Variants in RANBP17 observed in about 807,000 individuals in gnomAD.
RANBP17 encodes the protein RAN binding protein 17.
Under a neutral mutation model 141.2 loss-of-function variants are expected in RANBP17, and 158 were observed. The ratio of observed to expected loss-of-function variants is 1.12; its 90% CI spans 0.98 to 1.28. The LOEUF is 1.28. Ranked by LOEUF, RANBP17 falls within the 50% of genes most tolerant of loss-of-function variation. RANBP17 has a pLI of 0.00. For synonymous variants in RANBP17, 430 were observed against 450.0 expected (o/e 0.96, Z 0.56); for missense variants, 1,438 against 1,290.7 (o/e 1.11, Z -1.75).
chr5:171,140,384 T>C (rs1183598099), intron 14 of RANBP17, among the ~76,000 whole-genome samples: 1 of 152,196 alleles, frequency 6.6e-6, no homozygotes, highest in Non-Finnish European at 1.5e-5. Context: ...TCAAATTCAG[T>C]TCAATGTTTA....
In RANBP17 at chr5:171,295,921, G is replaced by A; in HGVS notation, c.3077G>A (p.Ser1026Asn). 6.2e-7 allele frequency: 1 copy of A among 1,613,762 alleles called. No homozygotes were observed. The highest frequency in any genetic ancestry group is 8.5e-7 in the Non-Finnish European group (1 of 1,179,784). ...FSELRASLIN[S>N]QPLPKQEVLA... The stretch of plus-strand genomic sequence containing the variant: ...GAACTGAGAGCAAGTTTGATAAACA[G>A]CCAGCCCCTCCCCAAGCAGGAGGTC... The change falls in exon 27 of 28, where the codon AGC becomes AAC. Residue 1026 changes from serine (S) to asparagine (N), a missense_variant. Ser to Asn is a conservative substitution (Grantham distance 46). Transcript: ENST00000523189.
At position 170,981,411 on chromosome 5, in the gene RANBP17, C is replaced by A. The variant is rs1389466585; in HGVS notation, c.1710+13034C>A. Among the ~76,000 whole-genome samples, 9 of 152,016 alleles carry A rather than the reference C, an allele frequency of 5.9e-5. No homozygotes were observed. In the East Asian group the frequency reaches 1.7e-3, roughly 29 times the overall value. The stretch of plus-strand genomic sequence containing the variant: ...CCCCACCCAAATCTCATCTTGAATT[C>A]TCGTGTGTTGTGGGAGGGATCTGGT... On this transcript the variant is annotated intron_variant, in intron 14 of 27. Transcript: ENST00000523189.
chr5:171,028,747 C>T (rs1781376449), intron 14 of RANBP17: 5 of 382,882 alleles, frequency 1.3e-5, no homozygotes, highest in South Asian at 1.1e-4. Context: ...TCCTTGCTTG[C>T]ATACAGAGAA....
intron 26 of RANBP17, among the ~76,000 whole-genome samples, chr5:171,294,228 G>C (rs1437851309): frequency 6.6e-6 from 1 of 152,120 alleles, no homozygotes; most frequent in East Asian, 1.9e-4. Context: ...TCACCAGGTG[G>C]GTGGTTTGCT....
rs888856228 is a variant in RANBP17 at position 171,235,045 on chromosome 5, G to A, written c.2423-5883G>A. Among the ~76,000 whole-genome samples the A allele has an allele frequency of 7.2e-5, 11 of 152,158 alleles. 1 individual carries two copies. Among genetic ancestry groups the A allele is most frequent in the Admixed American group, 6.5e-4 (10 of 15,274 alleles). On this transcript the variant is annotated intron_variant, in intron 22 of 27. Coordinates refer to ENST00000523189, the MANE Select transcript of RANBP17 (RefSeq NM_022897.5). ...AGGTAAGAAAGAAGGAACTGGCAAA[G>A]AAGAGTGAGAAGGAGCAAACACTGA...
At chr5:170,963,345 G>A (rs1173486642) in intron 13 of RANBP17, among the ~76,000 whole-genome samples, 1 of 152,082 alleles carries the variant, frequency 6.6e-6, no homozygotes, top group African/African-American at 2.4e-5. Context: ...TATCATAGAG[G>A]TAAATGTAGA....
chr5:170,947,354 A>G (rs1774850103), intron 12 of RANBP17, among the ~76,000 whole-genome samples: 1 of 152,206 alleles, frequency 6.6e-6, no homozygotes, highest in Non-Finnish European at 1.5e-5. Context: ...ACAATAGAGA[A>G]CAAAACAGAC....
intron 14 of RANBP17, among the ~76,000 whole-genome samples, chr5:170,986,499 A>G (rs1778149233): frequency 6.6e-6 from 1 of 151,908 alleles, no homozygotes; most frequent in South Asian, 2.1e-4. Context: ...GGATACCCCA[A>G]TTACCCTGAT....
chr5:171,012,992 C>T (rs1780168567), intron 14 of RANBP17, among the ~76,000 whole-genome samples: 1 of 152,126 alleles, frequency 6.6e-6, no homozygotes, highest in Non-Finnish European at 1.5e-5. Flanking sequence ...AATGAGGAAA[C>T]AGTCACTTTT....
At chr5:171,207,075 C>T (rs1762622337) in intron 20 of RANBP17, 1 of 165,998 alleles carries the variant, frequency 6.0e-6, no homozygotes, top group East Asian at 1.3e-4. Flanking sequence ...GATCCTCCCA[C>T]CTCAGCCTCC....
At chr5:171,251,384 A>G (rs1445202028) in intron 24 of RANBP17, among the ~76,000 whole-genome samples, 2 of 152,058 alleles carry the variant, frequency 1.3e-5, no homozygotes, top group Non-Finnish European at 2.9e-5. Context: ...CTGGCCCAAC[A>G]AATTTTTAAA....
chr5:171,051,830 C>G (rs1047982244), intron 14 of RANBP17, among the ~76,000 whole-genome samples: 8 of 152,182 alleles, frequency 5.3e-5, no homozygotes, highest in Admixed American at 1.3e-4. Flanking sequence ...GATGGCCACA[C>G]CATTTTACAT....
chr5:171,277,782 T>C (rs1477864211), intron 25 of RANBP17, among the ~76,000 whole-genome samples: 1 of 149,232 alleles, frequency 6.7e-6, no homozygotes, highest in Non-Finnish European at 1.5e-5. Flanking sequence ...AGCTAATAAG[T>C]AGCAGAACCT....
intron 12 of RANBP17, among the ~76,000 whole-genome samples, chr5:170,934,173 C>T (rs142306598): frequency 0.03 from 4,602 of 152,164 alleles, 233 homozygotes; most frequent in African/African-American, 0.1. Flanking sequence ...ACGTAATGCC[C>T]TTCTTTGTCT....
intron 14 of RANBP17, among the ~76,000 whole-genome samples, chr5:171,000,129 A>C (rs966161910): frequency 6.6e-6 from 1 of 152,202 alleles, no homozygotes; most frequent in East Asian, 1.9e-4. Flanking sequence ...CATTTTGCTT[A>C]TCCATTCATT....
At chr5:171,073,938 A>T (rs1328681804) in intron 14 of RANBP17, among the ~76,000 whole-genome samples, 1 of 152,022 alleles carries the variant, frequency 6.6e-6, no homozygotes, top group African/African-American at 2.4e-5. Context: ...TAAACAAATG[A>T]ATTGATGAAT....
At chr5:170,943,617 G>T (rs1332380704) in intron 12 of RANBP17, among the ~76,000 whole-genome samples, 1 of 151,878 alleles carries the variant, frequency 6.6e-6, no homozygotes, top group African/African-American at 2.4e-5. Context: ...TGGAAATTTA[G>T]TATTATTATA....
chr5:171,044,212 C>A lies in RANBP17; in HGVS notation c.1710+75835C>A, dbSNP rs373288251. On this transcript the variant is annotated intron_variant, in intron 14 of 27. Transcript: ENST00000523189. Reference sequence around the variant, plus strand: ...ATATATTACATTTTAATTTTAATGCCCCCGGTGAAATCTGTATTCTTAAAG... The same window carrying A: ...ATATATTACATTTTAATTTTAATGCACCCGGTGAAATCTGTATTCTTAAAG... Among the ~76,000 whole-genome samples, 3 of 151,814 alleles carry A rather than the reference C, an allele frequency of 2.0e-5. No homozygotes were observed. In the East Asian group the frequency reaches 5.8e-4, roughly 29 times the overall value.
intron 14 of RANBP17, among the ~76,000 whole-genome samples, chr5:171,129,761 A>C (rs1756766806): frequency 6.6e-6 from 1 of 152,194 alleles, no homozygotes; most frequent in African/African-American, 2.4e-5. Context: ...ATGCATAGTT[A>C]TCATACTGAC....
Sources: allele counts gnomAD v4.1 joint callset (sites outside exome capture counted in the v4.1 genomes callset), GRCh38; gene constraint gnomAD v4.1.1; transcripts MANE v1.5; gene names NCBI Gene and HGNC (gene_info 2026-07-23, HGNC 2026-07-21).